The following SSH2 variants were observed in gnomAD, a reference collection of about 807,000 sequenced individuals.
The protein encoded by SSH2 is slingshot protein phosphatase 2, also known as protein phosphatase Slingshot homolog 2.
SSH2 carries 37 observed loss-of-function variants against 135.2 expected under a neutral mutation model. The ratio of observed to expected loss-of-function variants is 0.27; its 90% CI spans 0.21 to 0.36. The LOEUF (loss-of-function observed/expected upper bound fraction) is 0.36. Ranked by LOEUF, SSH2 falls within the 10% of genes least tolerant of loss-of-function variation. The pLI is 1.00. For missense variants in SSH2, 1,408 were observed against 1,765.3 expected (o/e 0.80, Z 3.63); for synonymous variants, 628 against 646.2 (o/e 0.97, Z 0.43).
chr17:29,899,944 AT>A (rs1468496174), intron 1 of SSH2, among the ~76,000 whole-genome samples: 3 of 152,130 alleles, frequency 2.0e-5, no homozygotes, highest in Non-Finnish European at 2.9e-5. Flanking sequence ...ATATAGACCA[AT>A]GGAACAGAAC....
chr17:29,788,533 T>G (rs984106404), intron 3 of SSH2, among the ~76,000 whole-genome samples: 16 of 152,192 alleles, frequency 1.1e-4, no homozygotes, highest in African/African-American at 3.9e-4. Flanking sequence ...GCCTCAATAA[T>G]GTAAACCATT....
intron 3 of SSH2, among the ~76,000 whole-genome samples, chr17:29,712,928 G>GC (rs1400557795): frequency 4.6e-5 from 7 of 152,200 alleles, no homozygotes; most frequent in Non-Finnish European, 8.8e-5. Context: ...CTGGGCTTAA[G>GC]CCCCCATGTC....
At chr17:29,752,569 G>GA (rs1477006597) in intron 3 of SSH2, among the ~76,000 whole-genome samples, 2 of 151,958 alleles carry the variant, frequency 1.3e-5, no homozygotes, top group East Asian at 1.9e-4. Context: ...AAACATGCCA[G>GA]AAAAAATATA....
intron 3 of SSH2, among the ~76,000 whole-genome samples, chr17:29,764,269 G>T (rs1434677996): frequency 1.3e-5 from 2 of 152,046 alleles, no homozygotes; most frequent in Non-Finnish European, 2.9e-5. Context: ...GCTTTTTTAA[G>T]AAAAAAATTA....
chr17:29,692,240 A>G (rs906802024), intron 5 of SSH2, among the ~76,000 whole-genome samples: 3 of 151,932 alleles, frequency 2.0e-5, no homozygotes, highest in Non-Finnish European at 2.9e-5. Context: ...GAGTTTCAGC[A>G]TTACAAATTT....
chr17:29,660,418 C>T (rs900399157), intron 11 of SSH2, among the ~76,000 whole-genome samples: 16 of 151,898 alleles, frequency 1.1e-4, no homozygotes, highest in Non-Finnish European at 7.4e-5. Flanking sequence ...AGGTGTGCGC[C>T]ACCACATTCA....
rs147737129 is a variant in SSH2, at chr17:29,682,071, C to A, written c.479+2492G>T. Among the ~76,000 whole-genome samples the A allele has an allele frequency of 2.4e-3, 371 of 152,296 alleles. 2 individuals carry two copies. The highest frequency in any genetic ancestry group is 6.8e-3 in the Middle Eastern group (2 of 294). ...GATATGATTCAGACAGGGCCATTGG[C>A]AAAAGATAGATGTAATTTACTGAGT... On this transcript the variant is annotated intron_variant, in intron 6 of 15. Transcript: ENST00000540801.
At chr17:29,729,256 G>A (rs2040101092) in intron 3 of SSH2, among the ~76,000 whole-genome samples, 1 of 152,156 alleles carries the variant, frequency 6.6e-6, no homozygotes, top group African/African-American at 2.4e-5. Flanking sequence ...CTCAAAAGAT[G>A]ACATTGAAAT....
At chr17:29,896,410 T>C (rs1215064354) in intron 1 of SSH2, among the ~76,000 whole-genome samples, 2 of 141,832 alleles carry the variant, frequency 1.4e-5, no homozygotes, top group Non-Finnish European at 3.1e-5. Flanking sequence ...GTATTTTATA[T>C]ATACATTTCA....
intron 2 of SSH2, among the ~76,000 whole-genome samples, chr17:29,846,244 A>G (rs1289250766): frequency 6.6e-6 from 1 of 152,126 alleles, no homozygotes; most frequent in Admixed American, 6.5e-5. Flanking sequence ...CATGTTGGCC[A>G]GGCTTTCTCA....
At chr17:29,665,100 G>A (rs1598750120) in intron 11 of SSH2, among the ~76,000 whole-genome samples, 1 of 152,146 alleles carries the variant, frequency 6.6e-6, no homozygotes, top group East Asian at 1.9e-4. Context: ...ACAGTTGGGA[G>A]GGCCCCATAG....
intron 3 of SSH2, among the ~76,000 whole-genome samples, chr17:29,783,313 ATATAT>A (rs1344912558): frequency 2.7e-5 from 3 of 112,426 alleles, no homozygotes; most frequent in Middle Eastern, 4.0e-3. Context: ...GTTATATAAC[ATATAT>A]TATATATATA....
intron 3 of SSH2, among the ~76,000 whole-genome samples, chr17:29,743,891 TCTTTTTTCTTTTTTC>T (rs1489670773): frequency 9.5e-5 from 14 of 147,512 alleles, no homozygotes; most frequent in Admixed American, 5.4e-4. Context: ...GGGCATAATT[TCTTTTTTCTTTTTTC>T]CTTTTTTTTT....
At position 29,676,585 on chromosome 17, in the gene SSH2, A is replaced by C. The variant is rs776758190; in HGVS notation, c.614+235T>G. On this transcript the variant is annotated intron_variant, in intron 8 of 15. Transcript: ENST00000540801. ...ATCTAAACCGTTAAGTCTCTGCCAG[A>C]GCCTAAGAATAACACCTCTGAATTC... 6 of 463,018 alleles carry C rather than the reference A, an allele frequency of 1.3e-5. 1 individual carries two copies. Among genetic ancestry groups the C allele is most frequent in the Non-Finnish European group, 2.4e-5 (6 of 254,234 alleles). The allele number at this position is 463,018 out of a possible 1,614,324, so 28.7% of individuals were successfully genotyped here. A position where few individuals can be genotyped will look rare whatever the true frequency, so the allele number is the denominator to read the frequency against.
chr17:29,912,474 T>G (rs2066782511), intron 1 of SSH2, among the ~76,000 whole-genome samples: 1 of 152,122 alleles, frequency 6.6e-6, no homozygotes, highest in South Asian at 2.1e-4. Flanking sequence ...CACCTGTAAT[T>G]TCAGCACTTC....
chr17:29,885,126 A>G (rs2066210981), intron 1 of SSH2, among the ~76,000 whole-genome samples: 2 of 152,076 alleles, frequency 1.3e-5, no homozygotes, highest in Non-Finnish European at 2.9e-5. Flanking sequence ...TTAGTTCTCT[A>G]ATCTAGCACC....
At chr17:29,695,365 C>T in intron 5 of SSH2, 94 bp downstream of exon 5, 9 of 905,494 alleles carry the variant, frequency 9.9e-6, no homozygotes, top group South Asian at 3.2e-5. Context: ...ACATAGTTCC[C>T]AGCACTGTGT....
chr17:29,648,047 A>G (rs992844282), intron 14 of SSH2, 97 bp downstream of exon 14: 5 of 1,171,780 alleles, frequency 4.3e-6, no homozygotes, highest in African/African-American at 3.1e-5. Flanking sequence ...AAAATATCAC[A>G]TCCAAATCAG....
intron 2 of SSH2, among the ~76,000 whole-genome samples, chr17:29,798,297 T>TAA (rs1026586392): frequency 6.6e-6 from 1 of 152,034 alleles, no homozygotes; most frequent in Non-Finnish European, 1.5e-5. Flanking sequence ...CAGCTGAGAT[T>TAA]ACAGGCGTGT....
Sources: gnomAD v4.1 joint callset for allele counts (sites outside exome capture counted in the v4.1 genomes callset) on GRCh38, gnomAD v4.1.1 for gene constraint, MANE v1.5 for transcripts, NCBI Gene and HGNC (gene_info 2026-07-23, HGNC 2026-07-21) for gene names.